The following IL1R1 variants were observed in gnomAD, a reference collection of about 807,000 sequenced individuals.
The protein encoded by IL1R1 is interleukin-1 receptor type 1.
In IL1R1, 22 loss-of-function variants were observed where a neutral mutation model predicts 50.2. The observed-to-expected ratio is 0.44, with a 90% CI of 0.31 to 0.63. The LOEUF (loss-of-function observed/expected upper bound fraction) is 0.63, where lower values mean the gene tolerates loss of function less well. IL1R1 is among the 20% of genes least tolerant of loss of function. The pLI is 0.07. For synonymous variants in IL1R1, 251 were observed against 236.7 expected (o/e 1.06, Z -0.55); for missense variants, 509 against 676.2 (o/e 0.75, Z 2.74).
intron 1 of IL1R1, among the ~76,000 whole-genome samples, chr2:102,130,353 T>G (rs1409158983): frequency 6.6e-6 from 1 of 152,236 alleles, no homozygotes; most frequent in Non-Finnish European, 1.5e-5. Context: ...GTGCCTGTGT[T>G]CAAGCAATCA....
intron 1 of IL1R1, among the ~76,000 whole-genome samples, chr2:102,097,923 A>C (rs1004170794): frequency 1.3e-5 from 2 of 152,092 alleles, no homozygotes; most frequent in Non-Finnish European, 2.9e-5. Context: ...AATATATTAT[A>C]TGAAGCTGGA....
upstream of IL1R1, among the ~76,000 whole-genome samples, chr2:102,137,824 G>A (rs1682429149): frequency 2.0e-5 from 3 of 152,130 alleles, no homozygotes; most frequent in Admixed American, 2.0e-4. Flanking sequence ...TTAAAAGGAA[G>A]CCACCTAGAG....
intron 1 of IL1R1, among the ~76,000 whole-genome samples, chr2:102,081,422 T>C (rs1263579451): frequency 6.6e-6 from 1 of 152,160 alleles, no homozygotes; most frequent in African/African-American, 2.4e-5. Context: ...CAACCTGCAA[T>C]GTACCAGGGC....
At chr2:102,126,972 A>G (rs1442015969) in intron 1 of IL1R1, among the ~76,000 whole-genome samples, 5 of 152,178 alleles carry the variant, frequency 3.3e-5, no homozygotes, top group African/African-American at 1.2e-4. Context: ...TTTAATGCAG[A>G]GGCCCCCTTG....
At chr2:102,122,431 G>A (rs144705122) in intron 1 of IL1R1, among the ~76,000 whole-genome samples, 24 of 152,122 alleles carry the variant, frequency 1.6e-4, no homozygotes, top group East Asian at 7.7e-4. Flanking sequence ...GCACACATGC[G>A]CACAGAATAA....
At chr2:102,092,901 A>C (rs1679737417) in intron 1 of IL1R1, among the ~76,000 whole-genome samples, 1 of 152,138 alleles carries the variant, frequency 6.6e-6, no homozygotes, top group Admixed American at 6.5e-5. Flanking sequence ...GATTGAATGA[A>C]ATTTCGCCAA....
Position 102,172,769 on chromosome 2 carries a change from C to T in IL1R1, c.922C>T (p.His308Tyr). ...ISEIESRFYKHPFTCFAKNTH... is the reference protein window; with the variant it reads ...ISEIESRFYKYPFTCFAKNTH... The stretch of plus-strand genomic sequence containing the variant: ...GGAAATTGAAAGTAGATTTTATAAA[C>T]ATCCATTTACCTGTTTTGCCAAGAA... The change falls in exon 9 of 12, where the codon CAT becomes TAT. Residue 308 changes from histidine (H) to tyrosine (Y), a missense_variant. By Grantham distance (83) the His-to-Tyr change is moderately conservative. Coordinates refer to ENST00000410023, the MANE Select transcript of IL1R1 (RefSeq NM_000877.4). 1 of 1,611,102 alleles carries T rather than the reference C, an allele frequency of 6.2e-7. No individual in the cohort carries two copies. Among genetic ancestry groups the T allele is most frequent in the Non-Finnish European group, 8.5e-7 (1 of 1,177,328 alleles).
At chr2:102,135,152 TA>T (rs570032640) in intron 1 of IL1R1, among the ~76,000 whole-genome samples, 24 of 138,346 alleles carry the variant, frequency 1.7e-4, no homozygotes, top group African/African-American at 6.0e-4. Flanking sequence ...CTGTTTTTTT[TA>T]AAATCAAAAG....
chr2:102,074,397 G>A (rs1033889514), intron 1 of IL1R1, among the ~76,000 whole-genome samples: 2 of 152,172 alleles, frequency 1.3e-5, no homozygotes, highest in African/African-American at 2.4e-5. Flanking sequence ...TGATGACTGG[G>A]CCTATCTGCC....
chr2:102,081,840 A>T (rs1051947700), intron 1 of IL1R1, among the ~76,000 whole-genome samples: 3 of 152,220 alleles, frequency 2.0e-5, no homozygotes, highest in African/African-American at 7.2e-5. Context: ...CTGTGAGATG[A>T]ACTACCCAGT....
chr2:102,126,084 A>G (rs1156331586), intron 1 of IL1R1, among the ~76,000 whole-genome samples: 1 of 152,200 alleles, frequency 6.6e-6, no homozygotes, highest in African/African-American at 2.4e-5. Context: ...CTTAATAACT[A>G]TTTCATAATA....
intron 1 of IL1R1, among the ~76,000 whole-genome samples, chr2:102,124,346 G>C (rs1286182102): frequency 7.2e-5 from 11 of 152,008 alleles, no homozygotes; most frequent in African/African-American, 2.2e-4. Flanking sequence ...CTTGAACCCA[G>C]GAGGTGGAGG....
intron 1 of IL1R1, among the ~76,000 whole-genome samples, chr2:102,135,174 C>T (rs927130379): frequency 6.6e-6 from 1 of 151,960 alleles, no homozygotes; most frequent in Non-Finnish European, 1.5e-5. Flanking sequence ...GTAATAAACA[C>T]TCTGTTGCTG....
chr2:102,090,910 A>T (rs1679639831), intron 1 of IL1R1, among the ~76,000 whole-genome samples: 1 of 152,202 alleles, frequency 6.6e-6, no homozygotes, highest in Admixed American at 6.5e-5. Context: ...GGCTTCGGCT[A>T]ATGTTATTAA....
chr2:102,114,196 G>T (rs889231824), intron 1 of IL1R1, among the ~76,000 whole-genome samples: 7 of 152,176 alleles, frequency 4.6e-5, no homozygotes, highest in Non-Finnish European at 8.8e-5. Flanking sequence ...GAAATGATCA[G>T]TATGTAATAT....
chr2:102,076,051 C>T (rs12712124), intron 1 of IL1R1, among the ~76,000 whole-genome samples: 119,809 of 152,222 alleles, frequency 0.79, 48,075 homozygotes, highest in East Asian at 0.97. Flanking sequence ...TGCACATTTT[C>T]CTTCTACATA....
intron 8 of IL1R1, chr2:102,172,254 C>G (rs1685752026): frequency 1.0e-6 from 1 of 984,654 alleles, no homozygotes; most frequent in Non-Finnish European, 1.2e-6. Flanking sequence ...GCTCAAGAAT[C>G]AGGCAATCCA....
At chr2:102,168,509 G>A (rs1685392687) in intron 6 of IL1R1, 89 bp from the exon 7 acceptor site, 1 of 997,802 alleles carries the variant, frequency 1.0e-6, no homozygotes, top group Non-Finnish European at 1.6e-6. Context: ...CTGGCCAGAA[G>A]TCATTTAGTA....
rs758041676 is a variant in IL1R1 at position 102,176,801 on chromosome 2, T to TTC, written c.*42_*43insTC. 2 of 1,587,740 alleles carry TTC rather than the reference T, an allele frequency of 1.3e-6. No individual in the cohort carries two copies. The highest frequency in any genetic ancestry group is 2.3e-5 in the South Asian group (2 of 88,390). On this transcript the variant is annotated 3_prime_UTR_variant, in exon 12 of 12. Coordinates refer to ENST00000410023, the MANE Select transcript of IL1R1 (RefSeq NM_000877.4). ...AGAGTTCTTTAGGTGCCTCCTGTCTTATGGCGTTGCAGGCCAGGTTATGCC... is the reference window on the plus strand; with the variant it reads ...AGAGTTCTTTAGGTGCCTCCTGTCTTTCATGGCGTTGCAGGCCAGGTTATGCC...
Sources: gnomAD v4.1 joint callset for allele counts (sites outside exome capture counted in the v4.1 genomes callset) on GRCh38, gnomAD v4.1.1 for gene constraint, MANE v1.5 for transcripts, NCBI Gene and HGNC (gene_info 2026-07-23, HGNC 2026-07-21) for gene names.